The following CBFA2T3 variants were observed in gnomAD, a reference collection of about 807,000 sequenced individuals.
CBFA2T3 encodes the protein CBFA2/RUNX1 partner transcriptional co-repressor 3.
CBFA2T3 carries 31 observed loss-of-function variants against 58.6 expected under a neutral mutation model. That is an observed-to-expected ratio of 0.53 (90% CI 0.40 to 0.71). The LOEUF (loss-of-function observed/expected upper bound fraction) is 0.71, where lower values mean the gene tolerates loss of function less well. CBFA2T3 is among the 30% of genes least tolerant of loss of function. The probability of loss-of-function intolerance (pLI) is 0.00; values close to 1 mark genes in which losing one functional copy is unlikely to be tolerated. For missense variants in CBFA2T3, 1,076 were observed against 963.1 expected, an observed-to-expected ratio of 1.12 and a Z score of -1.55; for synonymous variants, 531 against 421.9, an observed-to-expected ratio of 1.26 and a Z score of -3.17.
At chr16:88,898,375 G>A (rs541019813) in intron 2 of CBFA2T3, among the ~76,000 whole-genome samples, 5 of 151,986 alleles carry the variant, frequency 3.3e-5, no homozygotes, top group African/African-American at 1.2e-4. Context: ...CCTCAGGGAC[G>A]CCCGGGCCGC....
intron 1 of CBFA2T3, among the ~76,000 whole-genome samples, chr16:88,916,675 T>C (rs1208007499): frequency 6.6e-6 from 1 of 152,050 alleles, no homozygotes. Context: ...GATGGGGGGC[T>C]CCTTTGCCTT....
intron 9 of CBFA2T3, 103 bp downstream of exon 9, chr16:88,881,188 G>C (rs538446483): frequency 5.7e-6 from 6 of 1,046,212 alleles, no homozygotes; most frequent in Non-Finnish European, 8.8e-6. Flanking sequence ...AAGCGAAACT[G>C]TTCTGCCTGG....
intron 1 of CBFA2T3, among the ~76,000 whole-genome samples, chr16:88,902,861 C>A (rs1473446161): frequency 6.6e-6 from 1 of 152,004 alleles, no homozygotes; most frequent in East Asian, 1.9e-4. Flanking sequence ...TGGGTCTCAC[C>A]CACGACTGCC....
chr16:88,880,675 G>C (rs1189562337), intron 10 of CBFA2T3, 45 bp downstream of exon 10: 2 of 1,496,592 alleles, frequency 1.3e-6, no homozygotes, highest in Non-Finnish European at 9.1e-7. Context: ...CTGGGGCCCT[G>C]GCCTCCCACA....
intron 2 of CBFA2T3, among the ~76,000 whole-genome samples, chr16:88,901,074 G>T (rs901107465): frequency 6.6e-6 from 1 of 152,372 alleles, no homozygotes; most frequent in African/African-American, 2.4e-5. Flanking sequence ...GTGACCTGCT[G>T]TATGACCCTG....
At chr16:88,939,881 G>A (rs908880445) in intron 1 of CBFA2T3, 2 of 152,234 alleles carry the variant, frequency 1.3e-5, no homozygotes, top group African/African-American at 4.8e-5. Context: ...CCAGCCTCAA[G>A]AAGTTTCCCC....
intron 3 of CBFA2T3, among the ~76,000 whole-genome samples, chr16:88,894,487 G>A (rs1158261258): frequency 2.7e-5 from 3 of 110,762 alleles, no homozygotes; most frequent in African/African-American, 1.2e-4. Context: ...TGCACACAAT[G>A]TACACACATG....
Position 88,881,207 on chromosome 16 carries a change from T to C in CBFA2T3, c.1402+84A>G, listed in dbSNP as rs1212038288. 3.3e-6 allele frequency: 4 copies of C among 1,217,424 alleles called. No individual in the cohort carries two copies. In the African/African-American group the frequency reaches 4.4e-5, roughly 14 times the overall value. The allele number at this position is 1,217,424 out of a possible 1,614,324, so 75.4% of individuals were successfully genotyped here. A position where few individuals can be genotyped will look rare whatever the true frequency, so the allele number is the denominator to read the frequency against. Reference sequence around the variant, plus strand: ...GAAACTGTTCTGCCTGGTGTTTCGTTGCATTGCCTGCCTGACAGCTCCCAG... The same window carrying C: ...GAAACTGTTCTGCCTGGTGTTTCGTCGCATTGCCTGCCTGACAGCTCCCAG... On this transcript the variant is annotated intron_variant, in intron 9 of 11. Transcript: ENST00000268679.
chr16:88,963,039 C>A (rs1397428066), intron 1 of CBFA2T3, among the ~76,000 whole-genome samples: 2 of 152,224 alleles, frequency 1.3e-5, no homozygotes, highest in Admixed American at 6.5e-5. Flanking sequence ...AGCACCTGAG[C>A]TGCAGGGACA....
chr16:88,951,861 C>T (rs1972082522), intron 1 of CBFA2T3, among the ~76,000 whole-genome samples: 2 of 152,246 alleles, frequency 1.3e-5, no homozygotes, highest in South Asian at 4.1e-4. Flanking sequence ...GGAGGGTGTG[C>T]TAATGGTTGG....
intron 8 of CBFA2T3, 80 bp downstream of exon 8, chr16:88,882,596 C>T: frequency 3.9e-6 from 3 of 764,364 alleles, no homozygotes; most frequent in Non-Finnish European, 4.2e-6. Flanking sequence ...GTGTGCATGG[C>T]TGTGTGTGCG....
chr16:88,893,865 C>T (rs925494865), intron 3 of CBFA2T3, among the ~76,000 whole-genome samples: 2 of 152,164 alleles, frequency 1.3e-5, no homozygotes, highest in African/African-American at 4.8e-5. Flanking sequence ...CACCCCGTGC[C>T]CTTGGCCTCA....
intron 3 of CBFA2T3, 21 bp downstream of exon 3, chr16:88,898,057 G>T (rs1457235206): frequency 6.3e-7 from 1 of 1,590,752 alleles, no homozygotes; most frequent in Admixed American, 1.7e-5. Context: ...GGAGGCCTGC[G>T]GTTTTTGTTA....
intron 1 of CBFA2T3, among the ~76,000 whole-genome samples, chr16:88,929,481 C>T (rs1971203774): frequency 6.6e-6 from 1 of 152,250 alleles, no homozygotes; most frequent in Non-Finnish European, 1.5e-5. Flanking sequence ...AGGGATTCTA[C>T]TCCTAGGAAT....
chr16:88,940,042 GAAGCCGCACCCTGGCTGGGGCCAC>G (rs1971658819), intron 1 of CBFA2T3: 1 of 152,482 alleles, frequency 6.6e-6, no homozygotes, highest in Non-Finnish European at 1.5e-5. Flanking sequence ...CGGACGCACA[GAAGCCGCACCCTGGCTGGGGCCAC>G]AAGCCTGACA....
intron 1 of CBFA2T3, among the ~76,000 whole-genome samples, chr16:88,903,079 C>T (rs898731592): frequency 4.6e-5 from 7 of 152,216 alleles, no homozygotes; most frequent in Non-Finnish European, 8.8e-5. Flanking sequence ...ACTGTGGGCG[C>T]TGCCCCTGCT....
chr16:88,968,737 T>G lies in CBFA2T3; in HGVS notation c.151+7920A>C, dbSNP rs1972576233. ...CCCTTGGGAATAAGCGGCAAGAAGC[T>G]TCGGGGTCCAGTTTGCACCGAGCCC... On this transcript the variant is annotated intron_variant, in intron 1 of 11. Coordinates refer to ENST00000268679, the MANE Select transcript of CBFA2T3 (RefSeq NM_005187.6). 2.6e-5 allele frequency among the ~76,000 whole-genome samples: 4 copies of G among 152,126 alleles called. No individual in the cohort carries two copies. The South Asian group carries it at 8.3e-4, about 31-fold the overall frequency.
Position 88,875,143 on chromosome 16 carries a change from C to T in CBFA2T3, c.*1833G>A, listed in dbSNP as rs537635388. 1.7e-3 allele frequency: 411 copies of T among 235,780 alleles called. 1 individual carries two copies. The highest frequency in any genetic ancestry group is 8.2e-3 in the African/African-American group (369 of 45,142). The allele number at this position is 235,780 out of a possible 1,614,324, so 14.6% of individuals were successfully genotyped here. On this transcript the variant is annotated 3_prime_UTR_variant, in exon 12 of 12. Coordinates refer to ENST00000268679, the MANE Select transcript of CBFA2T3 (RefSeq NM_005187.6). Reference sequence around the variant, plus strand: ...CACACAGATGCCAGGCCACGGGCCACGCCACGCACACAGATGCCAGGCCAC... The same window carrying T: ...CACACAGATGCCAGGCCACGGGCCATGCCACGCACACAGATGCCAGGCCAC...
intron 1 of CBFA2T3, among the ~76,000 whole-genome samples, chr16:88,921,185 G>A (rs891961989): frequency 3.3e-5 from 5 of 152,210 alleles, no homozygotes; most frequent in Admixed American, 3.3e-4. Context: ...TTAAAAATGT[G>A]TTTTACAAGC....
Sources: gnomAD v4.1 joint callset for allele counts (sites outside exome capture counted in the v4.1 genomes callset) on GRCh38, gnomAD v4.1.1 for gene constraint, MANE v1.5 for transcripts, NCBI Gene and HGNC (gene_info 2026-07-23, HGNC 2026-07-21) for gene names.